Variants in MYRIP observed in about 807,000 individuals in gnomAD.
MYRIP encodes the protein rab effector MyRIP.
A neutral mutation model predicts 98.0 loss-of-function variants in MYRIP; 49 were observed. That is an observed-to-expected ratio of 0.50 (90% confidence interval 0.40 to 0.63). MYRIP has a LOEUF of 0.63. Among genes scored for constraint, MYRIP ranks in the 30% least tolerant of loss-of-function variants. The probability of loss-of-function intolerance (pLI) is 0.00; values close to 1 mark genes in which losing one functional copy is unlikely to be tolerated. For missense variants in MYRIP, 1,004 were observed against 1,058.2 expected (o/e 0.95, Z 0.71); for synonymous variants, 404 against 409.5 (o/e 0.99, Z 0.16).
chr3:40,014,322 T>C (rs1221187121), intron 2 of MYRIP, among the ~76,000 whole-genome samples: 1 of 152,200 alleles, frequency 6.6e-6, no homozygotes, highest in African/African-American at 2.4e-5. Flanking sequence ...GGAGAAATAA[T>C]AAGCAAAATG....
intron 1 of MYRIP, among the ~76,000 whole-genome samples, chr3:39,860,028 A>T (rs1157387778): frequency 6.6e-6 from 1 of 152,244 alleles, no homozygotes; most frequent in African/African-American, 2.4e-5. Context: ...AGAAAAGGAA[A>T]TACAAGGCAT....
chr3:40,095,912 C>T (rs564511361), intron 3 of MYRIP, among the ~76,000 whole-genome samples: 22 of 151,852 alleles, frequency 1.4e-4, no homozygotes, highest in African/African-American at 4.8e-4. Context: ...CCTTCCCTCT[C>T]CCCATCCTTT....
intron 2 of MYRIP, among the ~76,000 whole-genome samples, chr3:39,997,779 T>A (rs574669301): frequency 2.0e-5 from 3 of 151,780 alleles, no homozygotes; most frequent in African/African-American, 7.3e-5. Flanking sequence ...GATGCAAAAA[T>A]CCATGATAAA....
intron 11 of MYRIP, among the ~76,000 whole-genome samples, chr3:40,227,286 C>A (rs1192816082): frequency 1.3e-5 from 2 of 152,110 alleles, no homozygotes; most frequent in African/African-American, 4.8e-5. Flanking sequence ...CTATGACATA[C>A]CTTGTTTTCA....
At chr3:40,050,541 T>C (rs1024908794) in intron 3 of MYRIP, among the ~76,000 whole-genome samples, 1 of 152,112 alleles carries the variant, frequency 6.6e-6, no homozygotes, top group African/African-American at 2.4e-5. Context: ...GATGAAAATA[T>C]ACAAGGAGAT....
chr3:39,975,794 G>A (rs1236093898), intron 2 of MYRIP, among the ~76,000 whole-genome samples: 3 of 152,144 alleles, frequency 2.0e-5, no homozygotes, highest in African/African-American at 7.2e-5. Flanking sequence ...AACAAGCAAT[G>A]GGGAAAGGAT....
intron 3 of MYRIP, among the ~76,000 whole-genome samples, chr3:40,146,826 T>G (rs1950021514): frequency 2.6e-5 from 4 of 152,148 alleles, no homozygotes; most frequent in African/African-American, 9.7e-5. Context: ...CCAATCTCTG[T>G]GTAGGCTGAT....
chr3:40,249,674 CCCATGTTACAAATTAGGAAAA>C (rs1185096547), intron 13 of MYRIP, among the ~76,000 whole-genome samples: 9 of 152,112 alleles, frequency 5.9e-5, no homozygotes, highest in African/African-American at 1.7e-4. Flanking sequence ...TCTTGACCTT[CCCATGTTACAAATTAGGAAAA>C]TGATGCCCAG....
Position 40,073,341 on chromosome 3 carries a change from G to A in MYRIP, c.332+29070G>A, listed in dbSNP as rs573654591. Among the ~76,000 whole-genome samples, 262 of 152,316 alleles carry A rather than the reference G, an allele frequency of 1.7e-3. 2 individuals carry two copies. The highest frequency in any genetic ancestry group is 6.2e-3 in the African/African-American group (256 of 41,578). ...GGAGAGTGGGCTGGCCTGGCTGGGA[G>A]CAGCCCCAAGAGTTCTGCACTGCGG... On this transcript the variant is annotated intron_variant, in intron 3 of 16. Coordinates refer to ENST00000302541, the MANE Select transcript of MYRIP (RefSeq NM_015460.4).
intron 2 of MYRIP, among the ~76,000 whole-genome samples, chr3:39,989,377 T>G (rs1946113731): frequency 6.6e-6 from 1 of 152,182 alleles, no homozygotes; most frequent in South Asian, 2.1e-4. Context: ...ACAAGGAGCC[T>G]GGAAAACAGC....
In MYRIP at chr3:40,233,984, G is replaced by T. The variant is rs1470634435; in HGVS notation, c.2031G>T (p.Gln677His). Reference protein sequence around the residue: ...WESPQVPPDRQKGMFPRGTDQ... With the variant: ...WESPQVPPDRHKGMFPRGTDQ... ...CCCCACAAGTCCCTCCTGACAGACA[G>T]AAGGGGATGTTTCCTCGTGGGACAG... Residue 677 changes from glutamine to histidine, a missense_variant, in exon 12 of 17, where the codon CAG (glutamine) becomes CAT (histidine). Physicochemically the swap from Gln to His is conservative, Grantham distance 24. This residue lies in a region of MYRIP where 880 missense variants were observed against 907.7 expected (regional missense o/e 0.97). Transcript: ENST00000302541. The T allele has an allele frequency of 6.2e-7, 1 of 1,613,546 alleles. No individual in the cohort carries two copies. Among genetic ancestry groups the T allele is most frequent in the Admixed American group, 1.7e-5 (1 of 59,860 alleles).
intron 1 of MYRIP, among the ~76,000 whole-genome samples, chr3:39,882,703 T>C (rs60148829): frequency 0.022 from 3,354 of 152,252 alleles, 113 homozygotes; most frequent in African/African-American, 0.074. Context: ...TGCTTCCTAA[T>C]GTTATGAGGA....
At chr3:40,113,692 G>A (rs1236922066) in intron 3 of MYRIP, among the ~76,000 whole-genome samples, 1 of 151,938 alleles carries the variant, frequency 6.6e-6, no homozygotes. Flanking sequence ...TTTTTTGTTT[G>A]TTTTTTTGTT....
intron 9 of MYRIP, among the ~76,000 whole-genome samples, chr3:40,186,643 C>G (rs962710057): frequency 2.6e-5 from 4 of 152,190 alleles, no homozygotes; most frequent in Non-Finnish European, 5.9e-5. Flanking sequence ...GCAGGCAACA[C>G]AGGCTCTAGT....
At chr3:39,972,157 G>A (rs1945602673) in intron 2 of MYRIP, among the ~76,000 whole-genome samples, 2 of 152,052 alleles carry the variant, frequency 1.3e-5, no homozygotes, top group East Asian at 1.9e-4. Context: ...ATTCACATGA[G>A]CAATATTTAA....
intron 1 of MYRIP, among the ~76,000 whole-genome samples, chr3:39,823,571 T>C (rs576621533): frequency 4.1e-4 from 63 of 152,342 alleles, no homozygotes; most frequent in African/African-American, 1.5e-3. Flanking sequence ...TGAAGACTCA[T>C]AGTGGTTTTG....
intron 1 of MYRIP, among the ~76,000 whole-genome samples, chr3:39,880,122 A>G (rs1943122594): frequency 1.3e-5 from 2 of 152,084 alleles, no homozygotes; most frequent in Non-Finnish European, 2.9e-5. Context: ...TTTGTTACAT[A>G]TGTATACATG....
At chr3:39,888,094 C>T (rs1268489379) in intron 1 of MYRIP, among the ~76,000 whole-genome samples, 3 of 151,936 alleles carry the variant, frequency 2.0e-5, no homozygotes, top group Admixed American at 6.6e-5. Flanking sequence ...GTGAAAATGG[C>T]CATACTTCCC....
chr3:39,952,276 T>C (rs1467411709), intron 2 of MYRIP, among the ~76,000 whole-genome samples: 2 of 152,174 alleles, frequency 1.3e-5, no homozygotes, highest in Non-Finnish European at 2.9e-5. Flanking sequence ...GTATACCTCA[T>C]TTTGCTTATC....
Sources: gnomAD v4.1 joint callset for allele counts (sites outside exome capture counted in the v4.1 genomes callset) on GRCh38, gnomAD v4.1.1 for gene constraint, gnomAD v4.1.1 regional missense constraint, MANE v1.5 for transcripts, NCBI Gene and HGNC (gene_info 2026-07-23, HGNC 2026-07-21) for gene names.